FHOD3: variants seen among roughly 807,000 people sequenced by gnomAD.
The protein encoded by FHOD3 is FH1/FH2 domain-containing protein 3.
Under a neutral mutation model 173.0 loss-of-function variants are expected in FHOD3, and 90 were observed. The ratio of observed to expected loss-of-function variants is 0.52; its 90% confidence interval spans 0.44 to 0.62. The LOEUF (loss-of-function observed/expected upper bound fraction) is 0.62, where lower values mean the gene tolerates loss of function less well. Among genes scored for constraint, FHOD3 ranks in the 20% least tolerant of loss-of-function variants. FHOD3 has a pLI of 0.00. For synonymous variants in FHOD3, 828 were observed against 823.0 expected (o/e 1.01, Z -0.10); for missense variants, 1,945 against 2,034.7 (o/e 0.96, Z 0.85).
intron 7 of FHOD3, among the ~76,000 whole-genome samples, chr18:36,598,513 G>A (rs541425975): frequency 2.0e-5 from 3 of 152,278 alleles, no homozygotes; most frequent in East Asian, 1.9e-4. Context: ...AAAGTCCAGC[G>A]TAAGGAGTGA....
At chr18:36,502,719 C>T (rs561518719) in intron 4 of FHOD3, among the ~76,000 whole-genome samples, 1 of 152,216 alleles carries the variant, frequency 6.6e-6, no homozygotes, top group South Asian at 2.1e-4. Context: ...TGTGCAAAGC[C>T]TATTAGAGGT....
chr18:36,560,993 T>G (rs1315538302), intron 5 of FHOD3, among the ~76,000 whole-genome samples: 1 of 152,178 alleles, frequency 6.6e-6, no homozygotes, highest in Non-Finnish European at 1.5e-5. Flanking sequence ...TCATGAAATT[T>G]AAATTCCGCA....
At chr18:36,677,162 A>C (rs1416512733) in intron 14 of FHOD3, among the ~76,000 whole-genome samples, 5 of 140,992 alleles carry the variant, frequency 3.5e-5, no homozygotes, top group Non-Finnish European at 7.8e-5. Flanking sequence ...GACTAGTTGT[A>C]TTTTTTTTTT....
intron 1 of FHOD3, among the ~76,000 whole-genome samples, chr18:36,328,281 C>T (rs1230865077): frequency 1.3e-5 from 2 of 152,024 alleles, no homozygotes; most frequent in Non-Finnish European, 2.9e-5. Flanking sequence ...CCAGGAAGGA[C>T]TCTGAAGACA....
intron 5 of FHOD3, among the ~76,000 whole-genome samples, chr18:36,556,252 G>A (rs927924897): frequency 1.3e-5 from 2 of 152,130 alleles, no homozygotes; most frequent in Non-Finnish European, 2.9e-5. Flanking sequence ...AGTGAACTGT[G>A]AGATGTGTGG....
intron 9 of FHOD3, among the ~76,000 whole-genome samples, chr18:36,625,175 A>T (rs1386174150): frequency 6.6e-6 from 1 of 152,098 alleles, no homozygotes; most frequent in Non-Finnish European, 1.5e-5. Flanking sequence ...GGGCAAGGAG[A>T]TGGTGAAGGC....
At chr18:36,313,215 C>A (rs2092296965) in intron 1 of FHOD3, among the ~76,000 whole-genome samples, 1 of 152,220 alleles carries the variant, frequency 6.6e-6, no homozygotes, top group East Asian at 1.9e-4. Context: ...CCAGGGCTGG[C>A]CCTCATTCAA....
intron 6 of FHOD3, among the ~76,000 whole-genome samples, chr18:36,579,943 G>GA (rs371900955): frequency 0.016 from 2,232 of 141,782 alleles, 42 homozygotes; most frequent in African/African-American, 0.049. Context: ...GAGCAGCAGA[G>GA]AAAAAAAAAA....
intron 17 of FHOD3, among the ~76,000 whole-genome samples, chr18:36,696,102 G>A (rs2039267426): frequency 6.6e-6 from 1 of 152,106 alleles, no homozygotes; most frequent in Non-Finnish European, 1.5e-5. Context: ...ACGTATCTGG[G>A]TAGGTAGGGG....
At chr18:36,346,587 C>T (rs1598789062) in intron 1 of FHOD3, among the ~76,000 whole-genome samples, 1 of 152,168 alleles carries the variant, frequency 6.6e-6, no homozygotes. Flanking sequence ...TTTCCTTTCT[C>T]CCTTTTATGC....
chr18:36,359,682 T>C (rs1054055227), intron 2 of FHOD3, among the ~76,000 whole-genome samples: 1 of 152,188 alleles, frequency 6.6e-6, no homozygotes, highest in African/African-American at 2.4e-5. Context: ...GAGAGCAGTG[T>C]AGCATAATGG....
intron 8 of FHOD3, among the ~76,000 whole-genome samples, chr18:36,608,032 A>G (rs1344790501): frequency 6.6e-6 from 1 of 152,126 alleles, no homozygotes; most frequent in Non-Finnish European, 1.5e-5. Context: ...GCTCTAGTCA[A>G]TCTAGGCTTT....
intron 28 of FHOD3, 91 bp from the exon 29 acceptor site, chr18:36,779,357 G>C (rs989346839): frequency 3.9e-5 from 44 of 1,136,624 alleles, no homozygotes; most frequent in Admixed American, 5.2e-5. Context: ...TGGGGAGAAG[G>C]GGGGACTGGA....
intron 6 of FHOD3, among the ~76,000 whole-genome samples, chr18:36,589,879 C>T (rs1029031974): frequency 2.0e-5 from 3 of 152,128 alleles, no homozygotes; most frequent in East Asian, 3.9e-4. Context: ...TGATTTCTCT[C>T]GGTGCTGGAC....
chr18:36,687,709 G>A (rs1034430688), intron 16 of FHOD3, among the ~76,000 whole-genome samples: 82 of 152,334 alleles, frequency 5.4e-4, no homozygotes, highest in African/African-American at 1.9e-3. Context: ...TGCTTGGCAT[G>A]TAGTTGGGAC....
intron 5 of FHOD3, among the ~76,000 whole-genome samples, chr18:36,538,057 T>A (rs907451202): frequency 6.6e-6 from 1 of 152,114 alleles, no homozygotes; most frequent in African/African-American, 2.4e-5. Flanking sequence ...AAGTCTCCAA[T>A]CATTTGGAAA....
chr18:36,689,938 T>C (rs1442530443), intron 16 of FHOD3, among the ~76,000 whole-genome samples: 1 of 152,066 alleles, frequency 6.6e-6, no homozygotes, highest in Non-Finnish European at 1.5e-5. Flanking sequence ...AGAGTTTACT[T>C]TAATGTAAGT....
intron 5 of FHOD3, among the ~76,000 whole-genome samples, chr18:36,575,007 A>G (rs868107684): frequency 8.8e-5 from 13 of 148,446 alleles, no homozygotes; most frequent in East Asian, 4.0e-4. Context: ...GTTTTGCTCT[A>G]TCACCCAGAC....
chr18:36,321,365 G>C (rs77261137), intron 1 of FHOD3, among the ~76,000 whole-genome samples: 4,201 of 152,178 alleles, frequency 0.028, 187 homozygotes, highest in African/African-American at 0.095. Context: ...TCCCCTCTCT[G>C]TAATGTGTAT....
Sources: allele counts gnomAD v4.1 joint callset (sites outside exome capture counted in the v4.1 genomes callset), GRCh38; gene constraint gnomAD v4.1.1; transcripts MANE v1.5; gene names NCBI Gene and HGNC (gene_info 2026-07-23, HGNC 2026-07-21).